Variants in UNC5C observed in about 807,000 individuals in gnomAD.
UNC5C encodes the protein netrin receptor UNC5C.
UNC5C carries 47 observed loss-of-function variants against 99.8 expected under a neutral mutation model. That is an observed-to-expected ratio of 0.47 (90% CI 0.37 to 0.60). The LOEUF (loss-of-function observed/expected upper bound fraction) is 0.60. Among genes scored for constraint, UNC5C ranks in the 20% least tolerant of loss-of-function variants. The pLI, the probability that UNC5C is intolerant of heterozygous loss-of-function variation, is 0.00. For synonymous variants in UNC5C, 487 were observed against 452.2 expected, an observed-to-expected ratio of 1.08 and a Z score of -0.98; for missense variants, 1,062 against 1,165.9, an observed-to-expected ratio of 0.91 and a Z score of 1.30.
At chr4:95,345,453 A>G (rs1490489761) in intron 1 of UNC5C, among the ~76,000 whole-genome samples, 2 of 151,994 alleles carry the variant, frequency 1.3e-5, no homozygotes, top group African/African-American at 4.8e-5. Context: ...GATCATCCAG[A>G]TGGAAAACCA....
intron 2 of UNC5C, among the ~76,000 whole-genome samples, chr4:95,318,059 G>A (rs946371789): frequency 2.0e-5 from 3 of 152,154 alleles, no homozygotes; most frequent in Admixed American, 6.6e-5. Context: ...ATAAGGAGAT[G>A]AACAGCCTGG....
At chr4:95,544,206 T>G (rs1314690780) in intron 1 of UNC5C, among the ~76,000 whole-genome samples, 1 of 152,170 alleles carries the variant, frequency 6.6e-6, no homozygotes. Context: ...GTCACACAGC[T>G]GGAGGTGCTG....
intron 2 of UNC5C, among the ~76,000 whole-genome samples, chr4:95,315,641 C>G (rs72676415): frequency 0.13 from 19,942 of 151,832 alleles, 1,460 homozygotes; most frequent in African/African-American, 0.19. Context: ...AGAAGAAGAA[C>G]AGGAAAGGTA....
intron 12 of UNC5C, among the ~76,000 whole-genome samples, chr4:95,199,048 G>C (rs541630074): frequency 1.3e-5 from 2 of 152,202 alleles, no homozygotes; most frequent in East Asian, 3.9e-4. Flanking sequence ...GCTTCCACCT[G>C]CTTCCTCTGT....
At chr4:95,184,190 A>C (rs142477539) in intron 13 of UNC5C, among the ~76,000 whole-genome samples, 56 of 152,318 alleles carry the variant, frequency 3.7e-4, no homozygotes, top group Non-Finnish European at 6.9e-4. Flanking sequence ...AACCTCCGTC[A>C]AAGCTCATGA....
intron 4 of UNC5C, among the ~76,000 whole-genome samples, chr4:95,254,684 T>C (rs529375761): frequency 1.2e-4 from 18 of 152,290 alleles, no homozygotes; most frequent in African/African-American, 4.1e-4. Flanking sequence ...ACACTAAAGT[T>C]TGAGAAGCAT....
At chr4:95,182,778 A>G (rs1417648403) in intron 14 of UNC5C, 119 bp downstream of exon 14, 13 of 1,094,198 alleles carry the variant, frequency 1.2e-5, no homozygotes, top group South Asian at 2.7e-5. Context: ...AATAGGATCT[A>G]TAGAAAGCTT....
chr4:95,355,606 G>A (rs534344827), intron 1 of UNC5C, among the ~76,000 whole-genome samples: 8 of 151,220 alleles, frequency 5.3e-5, no homozygotes, highest in Non-Finnish European at 7.4e-5. Flanking sequence ...TCTTTTCTGC[G>A]CCCCACCCCC....
intron 1 of UNC5C, among the ~76,000 whole-genome samples, chr4:95,413,837 C>A (rs758245990): frequency 9.8e-5 from 15 of 152,312 alleles, no homozygotes; most frequent in Admixed American, 7.8e-4. Flanking sequence ...CTACTGCACA[C>A]CCTGCAAATG....
intron 12 of UNC5C, among the ~76,000 whole-genome samples, chr4:95,186,573 G>A (rs1477774430): frequency 6.6e-6 from 1 of 152,162 alleles, no homozygotes; most frequent in African/African-American, 2.4e-5. Context: ...TCATCTTTTG[G>A]TGAGGCAACT....
intron 1 of UNC5C, among the ~76,000 whole-genome samples, chr4:95,534,161 T>C (rs890831801): frequency 2.0e-5 from 3 of 152,186 alleles, no homozygotes; most frequent in African/African-American, 7.2e-5. Flanking sequence ...TTAACCTGAT[T>C]TTCGGACAAA....
At chr4:95,239,061 A>T (rs1329894682) in intron 7 of UNC5C, among the ~76,000 whole-genome samples, 1 of 151,444 alleles carries the variant, frequency 6.6e-6, no homozygotes, top group Non-Finnish European at 1.5e-5. Context: ...ATTATTGCTG[A>T]CTCTCCCTTA....
rs775000272 is a variant in UNC5C, at chr4:95,170,221, T to A, written c.2563A>T (p.Ser855Cys). 6.2e-7 allele frequency: 1 copy of A among 1,614,156 alleles called. No individual in the cohort carries two copies. The highest frequency in any genetic ancestry group is 8.5e-7 in the Non-Finnish European group (1 of 1,180,044). The change falls in exon 15 of 16, where the codon AGC becomes TGC. Residue 855 changes from serine (S) to cysteine (C), a missense_variant. This residue lies in a region of UNC5C where 810 missense variants were observed against 854.5 expected (regional missense o/e 0.95). Coordinates refer to ENST00000453304, the MANE Select transcript of UNC5C (RefSeq NM_003728.4). The part of the protein sequence containing the change: ...PLPIRQKLCS[S>C]LDAPQTRGHD... Reference sequence around the variant, plus strand: ...CCTCTCGTCTGGGGGGCATCCAGGCTGCTACAGAGCTTCTGCCGGATAGGG... The same window carrying A: ...CCTCTCGTCTGGGGGGCATCCAGGCAGCTACAGAGCTTCTGCCGGATAGGG...
chr4:95,533,739 T>C (rs943253505), intron 1 of UNC5C, among the ~76,000 whole-genome samples: 2 of 152,206 alleles, frequency 1.3e-5, no homozygotes, highest in African/African-American at 2.4e-5. Context: ...AATCATTCAA[T>C]AGAACTTCCT....
chr4:95,452,093 T>C (rs1263700293), intron 1 of UNC5C, among the ~76,000 whole-genome samples: 1 of 152,202 alleles, frequency 6.6e-6, no homozygotes, highest in Non-Finnish European at 1.5e-5. Context: ...ATATGGTACA[T>C]TATTTTAAAT....
intron 7 of UNC5C, among the ~76,000 whole-genome samples, chr4:95,230,908 C>G (rs1415803051): frequency 6.6e-6 from 1 of 151,982 alleles, no homozygotes; most frequent in Non-Finnish European, 1.5e-5. Flanking sequence ...AACAAAAGTT[C>G]TGTTTGTAAG....
At chr4:95,339,226 A>G (rs1743463425) in intron 1 of UNC5C, among the ~76,000 whole-genome samples, 1 of 152,036 alleles carries the variant, frequency 6.6e-6, no homozygotes, top group Non-Finnish European at 1.5e-5. Context: ...TGTGCAAGGG[A>G]AGGTGTGTGA....
At chr4:95,359,557 C>G (rs1691277316) in intron 1 of UNC5C, among the ~76,000 whole-genome samples, 1 of 150,688 alleles carries the variant, frequency 6.6e-6, no homozygotes, top group Non-Finnish European at 1.5e-5. Context: ...ATATTACCTT[C>G]TCATTTTTCA....
At chr4:95,390,377 G>A (rs1745322292) in intron 1 of UNC5C, among the ~76,000 whole-genome samples, 1 of 130,240 alleles carries the variant, frequency 7.7e-6, no homozygotes, top group Admixed American at 8.6e-5. Flanking sequence ...TTTCATTCTT[G>A]GCTTCCACAT....
Sources: gnomAD v4.1 joint callset for allele counts (sites outside exome capture counted in the v4.1 genomes callset) on GRCh38, gnomAD v4.1.1 for gene constraint, gnomAD v4.1.1 regional missense constraint, MANE v1.5 for transcripts, NCBI Gene and HGNC (gene_info 2026-07-23, HGNC 2026-07-21) for gene names.